The following RFPL2 variants were observed in gnomAD, a reference collection of about 807,000 sequenced individuals.
RFPL2 encodes the protein ret finger protein like 2, also known as ret finger protein-like 2.
RFPL2 carries 13 observed loss-of-function variants against 17.8 expected under a neutral mutation model. The ratio of observed to expected loss-of-function variants is 0.73; its 90% CI spans 0.47 to 1.16. RFPL2 has a LOEUF of 1.16. Ranked by LOEUF, RFPL2 falls within the 50% of genes most tolerant of loss-of-function variation. RFPL2 has a pLI of 0.00. For missense variants in RFPL2, 431 were observed against 479.3 expected, an observed-to-expected ratio of 0.90 and a Z score of 0.94; for synonymous variants, 189 against 180.9, an observed-to-expected ratio of 1.04 and a Z score of -0.36.
Position 32,193,004 on chromosome 22 carries a change from T to A in RFPL2, c.454A>T (p.Arg152Trp), listed in dbSNP as rs1192082772. The A allele has an allele frequency of 4.3e-6, 7 of 1,614,194 alleles. No homozygotes were observed. The highest frequency in any genetic ancestry group is 5.9e-6 in the Non-Finnish European group (7 of 1,180,048). The change falls in exon 4 of 5, where the codon AGG becomes TGG. Residue 152 changes from arginine to tryptophan, a missense_variant. Arg to Trp is a moderately radical substitution (Grantham distance 101). Coordinates refer to ENST00000652607, the MANE Select transcript of RFPL2 (RefSeq NM_001394555.1). The part of the protein sequence containing the change: ...SSMVSRKNKI[R>W]RNRQLERLAS... ...AGCCTCTCTAGCTGCCGATTGCGCC[T>A]GATTTTGTTCTTCCGAGAGACCATG... is the stretch of plus-strand genomic sequence containing the variant.
chr22:32,192,824 T>G, intron 4 of RFPL2, 78 bp downstream of exon 4: 1 of 1,521,456 alleles, frequency 6.6e-7, no homozygotes, highest in South Asian at 1.3e-5. Flanking sequence ...AATCCCCATG[T>G]GGAATGAGGG....
intron 2 of RFPL2, among the ~76,000 whole-genome samples, chr22:32,200,493 C>T (rs1923805463): frequency 6.6e-6 from 1 of 152,070 alleles, no homozygotes; most frequent in Non-Finnish European, 1.5e-5. Context: ...GGGAGAGGCT[C>T]CCAGACTCCC....
chr22:32,193,277 A>G, intron 3 of RFPL2, 85 bp from the exon 4 acceptor site: 1 of 1,611,024 alleles, frequency 6.2e-7, no homozygotes, highest in Non-Finnish European at 8.5e-7. Context: ...CTTTTCATGC[A>G]TAGAGGTATT....
chr22:32,202,820 C>T, intron 1 of RFPL2: 1 of 1,064,196 alleles, frequency 9.4e-7, no homozygotes, highest in Non-Finnish European at 1.1e-6. Flanking sequence ...AGCCAGCCCT[C>T]CCCACCCAAG....
chr22:32,192,460 A>G (rs1603201197), intron 4 of RFPL2, among the ~76,000 whole-genome samples: 1 of 152,196 alleles, frequency 6.6e-6, no homozygotes, highest in South Asian at 2.1e-4. Flanking sequence ...TGTTTGTACA[A>G]TGGGTGCCAA....
chr22:32,195,411 TAATC>T (rs1923214082), intron 2 of RFPL2, among the ~76,000 whole-genome samples: 2 of 152,210 alleles, frequency 1.3e-5, no homozygotes, highest in South Asian at 4.1e-4. Context: ...GCATGTATAA[TAATC>T]AAGTCAGGAT....
At position 32,191,293 on chromosome 22, in the gene RFPL2, T is replaced by A. The variant is rs1465052203; in HGVS notation, c.616A>T (p.Arg206Trp). 6.2e-7 allele frequency: 1 copy of A among 1,613,948 alleles called. No homozygotes were observed. Among genetic ancestry groups the A allele is most frequent in the Non-Finnish European group, 8.5e-7 (1 of 1,179,852 alleles). The change falls in exon 5 of 5, where the codon AGG (arginine) becomes TGG (tryptophan). Residue 206 changes from arginine to tryptophan, a missense_variant. Arg to Trp is a moderately radical substitution (Grantham distance 101). Transcript: ENST00000652607. ...CTGATGCGCCCACTTCGGACGCTCCTGAGGTCGTCAGAAATGAGGAGGAAG... is the reference window on the plus strand; with the variant it reads ...CTGATGCGCCCACTTCGGACGCTCCAGAGGTCGTCAGAAATGAGGAGGAAG... ...NNFLLISDDL[R>W]SVRSGRIRQN...
intron 2 of RFPL2, chr22:32,199,903 G>A (rs5998298): frequency 0.026 from 11,327 of 443,026 alleles, 215 homozygotes; most frequent in Admixed American, 0.056. Context: ...ACCTCCTGCC[G>A]CTCGCCCACT....
At chr22:32,194,574 T>C in intron 2 of RFPL2, 84 bp from the exon 3 acceptor site, 1 of 1,363,734 alleles carries the variant, frequency 7.3e-7, no homozygotes, top group South Asian at 1.3e-5. Context: ...TCCTTCATCC[T>C]GACAGTGTAT....
At chr22:32,198,964 G>A (rs1285480254) in intron 2 of RFPL2, among the ~76,000 whole-genome samples, 1 of 152,188 alleles carries the variant, frequency 6.6e-6, no homozygotes, top group Non-Finnish European at 1.5e-5. Flanking sequence ...ATCCCATGGA[G>A]AAGAGAGAAT....
chr22:32,196,829 C>T (rs1054252262), intron 2 of RFPL2, among the ~76,000 whole-genome samples: 9 of 152,170 alleles, frequency 5.9e-5, no homozygotes, highest in Admixed American at 1.3e-4. Flanking sequence ...CCAGCAAAAG[C>T]CACTCGGACA....
intron 1 of RFPL2, chr22:32,202,979 T>G (rs1924100535): frequency 5.1e-6 from 5 of 985,856 alleles, no homozygotes; most frequent in Non-Finnish European, 6.0e-6. Flanking sequence ...CTGGGGCCCC[T>G]GCCGCGCTCA....
intron 2 of RFPL2, among the ~76,000 whole-genome samples, chr22:32,200,602 C>T (rs550783731): frequency 6.6e-6 from 1 of 152,150 alleles, no homozygotes; most frequent in Admixed American, 6.5e-5. Context: ...TGCAGCTTGG[C>T]CCCCAATTGC....
rs773118648 is a variant in RFPL2, at chr22:32,191,015, G to T, written c.894C>A (p.Phe298Leu). 173 of 1,613,652 alleles carry T rather than the reference G, an allele frequency of 1.1e-4. No individual in the cohort carries two copies. The highest frequency in any genetic ancestry group is 2.2e-4 in the Admixed American group (13 of 59,978). Residue 298 changes from phenylalanine (F) to leucine (L), a missense_variant, in exon 5 of 5, where the codon TTC becomes TTA. Transcript: ENST00000652607. ...SATTVPLTFLFVDRKLQRVGI... is the reference protein window; with the variant it reads ...SATTVPLTFLLVDRKLQRVGI... The stretch of plus-strand genomic sequence containing the variant: ...CCACTCGCTGTAACTTGCGGTCTAC[G>T]AAGAGGAAAGTCAGCGGCACCGTGG...
intron 3 of RFPL2, among the ~76,000 whole-genome samples, chr22:32,193,933 G>C (rs150896775): frequency 6.6e-6 from 1 of 150,554 alleles, no homozygotes; most frequent in East Asian, 2.0e-4. Flanking sequence ...AGCATTTTGC[G>C]AGGCCGAGGC....
In RFPL2 at chr22:32,190,894, G is replaced by T; in HGVS notation, c.1015C>A (p.Pro339Thr). The T allele has an allele frequency of 6.3e-7, 1 of 1,595,970 alleles. No homozygotes were observed. Among genetic ancestry groups the T allele is most frequent in the Non-Finnish European group, 8.5e-7 (1 of 1,170,568 alleles). ...GAAGGAGCCAAAAATGGGCGCAATG[G>T]CTCCTCAGCAGATACGCTCCTGAAT... is the stretch of plus-strand genomic sequence containing the variant. ...YTFRSVSAEEPLRPFLAPSVP... is the reference protein window; with the variant it reads ...YTFRSVSAEETLRPFLAPSVP... Residue 339 changes from proline (P) to threonine (T), a missense_variant, in exon 5 of 5, where the codon CCA (proline) becomes ACA (threonine). Transcript: ENST00000652607.
At position 32,193,319 on chromosome 22, in the gene RFPL2, C is replaced by A. The variant is rs1349517137; in HGVS notation, c.266-127G>T. Reference sequence around the variant, plus strand: ...CAGCTTTGTCACTCCGAGAATAAGACCATGAGTACAAACACTCAAGCACAT... The same window carrying A: ...CAGCTTTGTCACTCCGAGAATAAGAACATGAGTACAAACACTCAAGCACAT... On this transcript the variant is annotated intron_variant, in intron 3 of 4. Transcript: ENST00000652607. 2.5e-6 allele frequency: 4 copies of A among 1,589,958 alleles called. No homozygotes were observed. The African/African-American group carries it at 5.4e-5, about 21-fold the overall frequency.
chr22:32,193,394 G>C, intron 3 of RFPL2: 1 of 1,539,330 alleles, frequency 6.5e-7, no homozygotes, highest in Non-Finnish European at 8.7e-7. Flanking sequence ...GGAAAGTCAC[G>C]AATCATCACT....
chr22:32,200,179 TCA>T, intron 2 of RFPL2: 1 of 383,226 alleles, frequency 2.6e-6, no homozygotes, highest in Non-Finnish European at 5.2e-6. Context: ...AGCTGCCGGG[TCA>T]CACACAAAGA....
Sources: gnomAD v4.1 joint callset for allele counts (sites outside exome capture counted in the v4.1 genomes callset) on GRCh38, gnomAD v4.1.1 for gene constraint, MANE v1.5 for transcripts, NCBI Gene and HGNC (gene_info 2026-07-23, HGNC 2026-07-21) for gene names.